Variants in SCFD2 observed in about 807,000 individuals in gnomAD.
The protein encoded by SCFD2 is sec1 family domain-containing protein 2.
Under a neutral mutation model 58.9 loss-of-function variants are expected in SCFD2, and 54 were observed. That is an observed-to-expected ratio of 0.92 (90% CI 0.74 to 1.15). The LOEUF is 1.15. SCFD2 is among the 50% of genes most tolerant of loss of function. The probability of loss-of-function intolerance (pLI) is 0.00; values close to 1 mark genes in which losing one functional copy is unlikely to be tolerated. For missense variants in SCFD2, 805 were observed against 836.6 expected, an observed-to-expected ratio of 0.96 and a Z score of 0.47; for synonymous variants, 321 against 335.9, an observed-to-expected ratio of 0.96 and a Z score of 0.49.
At chr4:53,283,532 A>T (rs1270626132) in intron 3 of SCFD2, among the ~76,000 whole-genome samples, 2 of 152,112 alleles carry the variant, frequency 1.3e-5, no homozygotes, top group Non-Finnish European at 2.9e-5. Context: ...TCAGTTTTCC[A>T]TGGTTGTACC....
At chr4:53,246,528 C>A (rs1181472791) in intron 4 of SCFD2, among the ~76,000 whole-genome samples, 1 of 151,944 alleles carries the variant, frequency 6.6e-6, no homozygotes, top group African/African-American at 2.4e-5. Context: ...AATAGAGAGC[C>A]CAGAAATAAG....
intron 4 of SCFD2, chr4:53,265,402 A>T (rs961562405): frequency 1.3e-4 from 20 of 152,218 alleles, no homozygotes; most frequent in Non-Finnish European, 2.6e-4. Flanking sequence ...GGCTTAAAAA[A>T]TATAGTGGGT....
chr4:53,331,132 C>A (rs930061087), intron 2 of SCFD2, among the ~76,000 whole-genome samples: 3 of 151,714 alleles, frequency 2.0e-5, no homozygotes, highest in African/African-American at 4.8e-5. Context: ...CTTAGACTCC[C>A]ACACATTAAT....
At chr4:53,019,033 A>T (rs1257579543) in intron 5 of SCFD2, among the ~76,000 whole-genome samples, 1 of 152,210 alleles carries the variant, frequency 6.6e-6, no homozygotes, top group Non-Finnish European at 1.5e-5. Context: ...CCCAGATGAT[A>T]GGAATGAACT....
chr4:53,012,754 A>G (rs1316682921), intron 5 of SCFD2, among the ~76,000 whole-genome samples: 1 of 151,614 alleles, frequency 6.6e-6, no homozygotes, highest in Admixed American at 6.6e-5. Context: ...GAGTTAATTG[A>G]CATCTTATTA....
At chr4:53,290,620 A>G (rs1456909790) in intron 3 of SCFD2, among the ~76,000 whole-genome samples, 1 of 152,066 alleles carries the variant, frequency 6.6e-6, no homozygotes, top group Non-Finnish European at 1.5e-5. Flanking sequence ...AAAGACCAGA[A>G]TACAAATAAA....
At chr4:52,937,985 C>T (rs1371962431) in intron 5 of SCFD2, among the ~76,000 whole-genome samples, 1 of 152,156 alleles carries the variant, frequency 6.6e-6, no homozygotes, top group Non-Finnish European at 1.5e-5. Context: ...TTGATTCATA[C>T]ATTGACTCAA....
chr4:53,365,784 T>C lies in SCFD2; in HGVS notation c.158A>G (p.Asp53Gly). 6.2e-7 allele frequency: 1 copy of C among 1,613,912 alleles called. No homozygotes were observed. The highest frequency in any genetic ancestry group is 8.5e-7 in the Non-Finnish European group (1 of 1,179,946). Reference sequence around the variant, plus strand: ...GGGCTCGAACTCTCGCAGGTGACAGTCAGGACCCCCCACCGCCTCCAGGAG... The same window carrying C: ...GGGCTCGAACTCTCGCAGGTGACAGCCAGGACCCCCCACCGCCTCCAGGAG... ...TRLLEAVGGP[D>G]CHLREFEPDA... Residue 53 changes from aspartate to glycine, a missense_variant, in exon 1 of 9, where the codon GAC (aspartate) becomes GGC (glycine). Around this residue, in one of 3 missense-constraint regions of SCFD2, gnomAD observed 155 missense variants for 149.7 expected, o/e 1.04. Transcript: ENST00000401642. The surrounding 1 kb of genome is among the most constrained non-coding windows in gnomAD (Gnocchi z 4.3).
At chr4:53,231,407 G>T (rs1729435736) in intron 4 of SCFD2, among the ~76,000 whole-genome samples, 2 of 152,068 alleles carry the variant, frequency 1.3e-5, no homozygotes, top group South Asian at 4.1e-4. Context: ...TTGAATGAAT[G>T]GATTTTATGT....
chr4:53,337,293 T>A (rs1393848225), intron 2 of SCFD2, among the ~76,000 whole-genome samples: 2 of 152,158 alleles, frequency 1.3e-5, no homozygotes, highest in Non-Finnish European at 2.9e-5. Flanking sequence ...AAGACACCAG[T>A]CAGAATTGGA....
intron 4 of SCFD2, among the ~76,000 whole-genome samples, chr4:53,191,682 G>A (rs553297761): frequency 1.2e-4 from 19 of 152,292 alleles, no homozygotes; most frequent in Non-Finnish European, 2.5e-4. Context: ...TGGGATTATA[G>A]GCGTGAGCCA....
At chr4:52,975,066 C>G (rs1326722280) in intron 5 of SCFD2, among the ~76,000 whole-genome samples, 2 of 151,992 alleles carry the variant, frequency 1.3e-5, no homozygotes, top group African/African-American at 4.8e-5. Flanking sequence ...CCATAAAAAC[C>G]CTAGAAGAAA....
At chr4:53,320,379 G>A (rs1323138089) in intron 2 of SCFD2, among the ~76,000 whole-genome samples, 1 of 152,232 alleles carries the variant, frequency 6.6e-6, no homozygotes, top group African/African-American at 2.4e-5. Context: ...CACTTTGGGA[G>A]GCCAAGGCAG....
chr4:53,140,632 G>A (rs1004435231), intron 5 of SCFD2, among the ~76,000 whole-genome samples: 2 of 151,760 alleles, frequency 1.3e-5, no homozygotes, highest in Admixed American at 1.3e-4. Flanking sequence ...AGATTAATAA[G>A]CATAGGCAAT....
intron 2 of SCFD2, among the ~76,000 whole-genome samples, chr4:53,321,209 G>A (rs768380759): frequency 6.6e-6 from 1 of 152,060 alleles, no homozygotes; most frequent in Non-Finnish European, 1.5e-5. Context: ...GGTCATTTCA[G>A]TTCATTCCTG....
At chr4:53,104,069 ATGTTATG>A (rs1310504269) in intron 5 of SCFD2, among the ~76,000 whole-genome samples, 1 of 152,106 alleles carries the variant, frequency 6.6e-6, no homozygotes, top group Non-Finnish European at 1.5e-5. Flanking sequence ...GGTTTTATAG[ATGTTATG>A]TATGTATATT....
chr4:53,291,067 C>T (rs1299423321), intron 3 of SCFD2, among the ~76,000 whole-genome samples: 2 of 151,976 alleles, frequency 1.3e-5, no homozygotes, highest in Admixed American at 6.6e-5. Context: ...AAAATTAGAG[C>T]TAAAGGGAAT....
intron 2 of SCFD2, among the ~76,000 whole-genome samples, chr4:53,349,853 A>G (rs191778354): frequency 2.4e-4 from 36 of 152,184 alleles, no homozygotes; most frequent in Non-Finnish European, 2.9e-5. Flanking sequence ...TTTTTTGGTA[A>G]TTACCTTAGG....
chr4:53,126,283 T>A (rs896359173), intron 5 of SCFD2, among the ~76,000 whole-genome samples: 1 of 152,174 alleles, frequency 6.6e-6, no homozygotes, highest in African/African-American at 2.4e-5. Context: ...AACAGACACT[T>A]TTGCCACTTT....
Sources: allele counts gnomAD v4.1 joint callset (sites outside exome capture counted in the v4.1 genomes callset), GRCh38; gene constraint gnomAD v4.1.1; regional missense constraint gnomAD v4.1.1; non-coding constraint Gnocchi (gnomAD v3.1); transcripts MANE v1.5; gene names NCBI Gene and HGNC (gene_info 2026-07-23, HGNC 2026-07-21).